Variants in KIF26B observed in about 807,000 individuals in gnomAD.
KIF26B encodes kinesin-like protein KIF26B.
Under a neutral mutation model 151.2 loss-of-function variants are expected in KIF26B, and 63 were observed. That is an observed-to-expected ratio of 0.42 (90% CI 0.34 to 0.51). KIF26B has a LOEUF of 0.51. Ranked by LOEUF, KIF26B falls within the 20% of genes least tolerant of loss-of-function variation. The pLI, the probability that KIF26B is intolerant of heterozygous loss-of-function variation, is 0.07. For missense variants in KIF26B, 2,813 were observed against 2,913.6 expected, an observed-to-expected ratio of 0.97 and a Z score of 0.79; for synonymous variants, 1,357 against 1,262.1, an observed-to-expected ratio of 1.08 and a Z score of -1.59.
intron 4 of KIF26B, among the ~76,000 whole-genome samples, chr1:245,454,438 C>T (rs1659467165): frequency 6.6e-6 from 1 of 152,190 alleles, no homozygotes; most frequent in Non-Finnish European, 1.5e-5. Flanking sequence ...CTTCTCTGCA[C>T]ATCTTGATAT....
chr1:245,413,274 T>C (rs1472134848), intron 3 of KIF26B, among the ~76,000 whole-genome samples: 1 of 152,200 alleles, frequency 6.6e-6, no homozygotes, highest in Non-Finnish European at 1.5e-5. Context: ...TTTGGAGGTT[T>C]TCTCAGGAAG....
intron 3 of KIF26B, among the ~76,000 whole-genome samples, chr1:245,374,043 A>T (rs1487036341): frequency 5.3e-5 from 6 of 113,122 alleles, no homozygotes; most frequent in Admixed American, 1.0e-4. Flanking sequence ...GGTGACAGAG[A>T]CCCGAGAACC....
chr1:245,688,476 G>T lies in KIF26B; in HGVS notation c.5493G>T (p.Ala1831=). The part of the protein sequence containing the change: ...LQLRAGPEAE[A]RGGALAEDEP... ...TGCGGGCCGGGCCCGAGGCGGAGGC[G>T]CGCGGGGGGGCCCTGGCCGAGGACG... The change falls in exon 12 of 15, where the codon GCG becomes GCT. Residue 1831 remains alanine (A), a synonymous_variant. Coordinates refer to ENST00000407071, the MANE Select transcript of KIF26B (RefSeq NM_018012.4). 5.1e-6 allele frequency: 7 copies of T among 1,383,180 alleles called. No individual in the cohort carries two copies. Among genetic ancestry groups the T allele is most frequent in the Non-Finnish European group, 6.5e-6 (7 of 1,079,890 alleles). 85.7% of individuals were successfully genotyped at this position (1,383,180 alleles called of 1,614,324 possible).
Position 245,685,546 on chromosome 1 carries a change from T to C in KIF26B, c.2563T>C (p.Ser855Pro). 1.2e-6 allele frequency: 2 copies of C among 1,613,684 alleles called. No individual in the cohort carries two copies. The highest frequency in any genetic ancestry group is 8.5e-7 in the Non-Finnish European group (1 of 1,179,854). Residue 855 changes from serine to proline, a missense_variant, in exon 12 of 15, where the codon TCC becomes CCC. Physicochemically the swap from Ser to Pro is moderately conservative, Grantham distance 74. Around this residue, in one of 3 missense-constraint regions of KIF26B, gnomAD observed 2,060 missense variants for 2,088.6 expected, o/e 0.99. Transcript: ENST00000407071. ...TCACCTGTCCAGCGACCCCGACTAC[T>C]CCTCCAGCAGCGAGCAGTCCTGCGA... ...IAHLSSDPDY[S>P]SSSEQSCDTV...
intron 4 of KIF26B, among the ~76,000 whole-genome samples, chr1:245,492,520 AC>A (rs1391316972): frequency 6.6e-6 from 1 of 152,250 alleles, no homozygotes; most frequent in East Asian, 1.9e-4. Flanking sequence ...AACAAAGCCA[AC>A]ATTACAGTAG....
intron 2 of KIF26B, among the ~76,000 whole-genome samples, chr1:245,246,946 G>GACAC (rs55885165): frequency 9.7e-5 from 14 of 143,964 alleles, no homozygotes; most frequent in African/African-American, 2.1e-4. Flanking sequence ...CACAGATACA[G>GACAC]ACACACACAC....
At chr1:245,369,742 C>A (rs1673064679) in intron 3 of KIF26B, among the ~76,000 whole-genome samples, 1 of 152,190 alleles carries the variant, frequency 6.6e-6, no homozygotes, top group South Asian at 2.1e-4. Flanking sequence ...CCTAGGCTAC[C>A]CCAAAGTAAG....
At chr1:245,675,272 T>C (rs1035753092) in intron 10 of KIF26B, among the ~76,000 whole-genome samples, 13 of 151,970 alleles carry the variant, frequency 8.6e-5, no homozygotes, top group African/African-American at 2.9e-4. Flanking sequence ...TTTCATTACA[T>C]TGGCATGATT....
chr1:245,336,822 A>C (rs903496752), intron 2 of KIF26B, among the ~76,000 whole-genome samples: 6 of 152,180 alleles, frequency 3.9e-5, no homozygotes, highest in African/African-American at 1.4e-4. Context: ...GCTCTTTGCT[A>C]ATTAGTCCAT....
At chr1:245,609,552 C>G (rs770397307) in intron 8 of KIF26B, 24 bp downstream of exon 8, 6 of 1,501,038 alleles carry the variant, frequency 4.0e-6, no homozygotes, top group Non-Finnish European at 5.3e-6. Context: ...AAGCCTGGCT[C>G]GCCCCAAGGT....
intron 3 of KIF26B, among the ~76,000 whole-genome samples, chr1:245,409,448 G>A (rs1674220658): frequency 6.6e-6 from 1 of 152,198 alleles, no homozygotes; most frequent in Non-Finnish European, 1.5e-5. Context: ...CCTGAAACAT[G>A]AGCAGCCTCT....
chr1:245,677,107 C>A (rs2282381), intron 10 of KIF26B, among the ~76,000 whole-genome samples: 25,231 of 152,200 alleles, frequency 0.17, 2,734 homozygotes, highest in East Asian at 0.49. Flanking sequence ...CTTAATAGTT[C>A]AAGACCTCTG....
intron 4 of KIF26B, among the ~76,000 whole-genome samples, chr1:245,482,091 A>G (rs529564027): frequency 6.6e-6 from 1 of 151,760 alleles, no homozygotes; most frequent in South Asian, 2.1e-4. Flanking sequence ...CTTATTTTTT[A>G]TTTATTGACT....
Position 245,702,579 on chromosome 1 carries a change from C to T in KIF26B, c.6300C>T (p.Cys2100=), listed in dbSNP as rs1311250800. The stretch of plus-strand genomic sequence containing the variant: ...AGGCCCATCTCATGATGATCACCTG[C>T]TTCGACATCACCTCCAGGCGCCGGT... ...FCKAHLMMIT[C]FDITSRRR Residue 2100 remains cysteine (C), a synonymous_variant, in exon 15 of 15, where the codon TGC becomes TGT. Transcript: ENST00000407071. This position sits in a 1 kb window ranked among gnomAD's most constrained non-coding sequence, Gnocchi z 4.1. 7 of 1,613,836 alleles carry T rather than the reference C, an allele frequency of 4.3e-6. No individual in the cohort carries two copies. The highest frequency in any genetic ancestry group is 5.1e-6 in the Non-Finnish European group (6 of 1,179,886).
At position 245,463,062 on chromosome 1, in the gene KIF26B, T is replaced by A. The variant is rs149486728; in HGVS notation, c.1166+43317T>A. 6.6e-3 allele frequency among the ~76,000 whole-genome samples: 1,004 copies of A among 152,250 alleles called. 6 individuals are homozygous for A. Among genetic ancestry groups the A allele is most frequent in the Middle Eastern group, 0.017 (5 of 294 alleles). ...ATGACTGCTGAGATTCCCTCTGTCC[T>A]CCACCCACACTTTCTCAACGGTGTC... On this transcript the variant is annotated intron_variant, in intron 4 of 14. Coordinates refer to ENST00000407071, the MANE Select transcript of KIF26B (RefSeq NM_018012.4).
At chr1:245,242,732 T>A (rs529152274) in intron 2 of KIF26B, among the ~76,000 whole-genome samples, 19 of 152,152 alleles carry the variant, frequency 1.2e-4, no homozygotes, top group Admixed American at 9.8e-4. Flanking sequence ...GCTCACTGCA[T>A]CCTCTGTCTC....
chr1:245,588,054 TAC>T (rs2043246098), intron 5 of KIF26B, among the ~76,000 whole-genome samples: 1 of 152,194 alleles, frequency 6.6e-6, no homozygotes. Context: ...GCCCCTCGGC[TAC>T]AGAGGAAACG....
chr1:245,175,904 A>ATATATCTATATCTATATCTATATC (rs151223228), intron 2 of KIF26B, among the ~76,000 whole-genome samples: 2 of 149,504 alleles, frequency 1.3e-5, no homozygotes, highest in Admixed American at 6.7e-5. Context: ...CTCAAAACAT[A>ATATATCTATATCTATATCTATATC]TATATCTATA....
At chr1:245,397,759 G>T (rs113155437) in intron 3 of KIF26B, among the ~76,000 whole-genome samples, 156 of 152,290 alleles carry the variant, frequency 1.0e-3, no homozygotes, top group African/African-American at 3.5e-3. Flanking sequence ...AAATGTTTGA[G>T]ACACTGTAGT....
Sources: allele counts gnomAD v4.1 joint callset (sites outside exome capture counted in the v4.1 genomes callset), GRCh38; gene constraint gnomAD v4.1.1; regional missense constraint gnomAD v4.1.1; non-coding constraint Gnocchi (gnomAD v3.1); transcripts MANE v1.5; gene names NCBI Gene and HGNC (gene_info 2026-07-23, HGNC 2026-07-21).